The following ARHGEF28 variants were observed in gnomAD, a reference collection of about 807,000 sequenced individuals.
ARHGEF28 encodes 190 kDa guanine nucleotide exchange factor.
A neutral mutation model predicts 206.6 loss-of-function variants in ARHGEF28; 152 were observed. That is an observed-to-expected ratio of 0.74 (90% CI 0.64 to 0.84). ARHGEF28 has a LOEUF of 0.84. Ranked by LOEUF, ARHGEF28 falls within the 40% of genes least tolerant of loss-of-function variation. ARHGEF28 has a pLI of 0.00. For missense variants in ARHGEF28, 2,028 were observed against 2,073.2 expected, an observed-to-expected ratio of 0.98 and a Z score of 0.42; for synonymous variants, 763 against 776.4, an observed-to-expected ratio of 0.98 and a Z score of 0.29.
intron 2 of ARHGEF28, among the ~76,000 whole-genome samples, chr5:73,687,236 G>A (rs1306575780): frequency 6.6e-6 from 1 of 151,990 alleles, no homozygotes; most frequent in Non-Finnish European, 1.5e-5. Flanking sequence ...TAAAATCTAT[G>A]TATAGATTAA....
At chr5:73,813,910 T>TTA (rs1430482545) in intron 9 of ARHGEF28, among the ~76,000 whole-genome samples, 2 of 138,744 alleles carry the variant, frequency 1.4e-5, no homozygotes, top group East Asian at 4.1e-4. Flanking sequence ...CAATTCTCTT[T>TTA]AAAAAAAAAA....
At chr5:73,706,732 C>G (rs1748957154) in intron 2 of ARHGEF28, among the ~76,000 whole-genome samples, 1 of 152,106 alleles carries the variant, frequency 6.6e-6, no homozygotes, top group Non-Finnish European at 1.5e-5. Flanking sequence ...CAGTGTGTGC[C>G]CTGAATAAGA....
chr5:73,898,789 T>A (rs1762104417), intron 30 of ARHGEF28: 1 of 152,228 alleles, frequency 6.6e-6, no homozygotes, highest in African/African-American at 2.4e-5. Flanking sequence ...ATATGTATAG[T>A]TGTAGGCTAC....
intron 1 of ARHGEF28, among the ~76,000 whole-genome samples, chr5:73,646,781 A>T (rs1744453472): frequency 6.6e-6 from 1 of 152,256 alleles, no homozygotes; most frequent in Non-Finnish European, 1.5e-5. Flanking sequence ...ATTTAAACAG[A>T]GGCTTAAATA....
chr5:73,861,515 C>T (rs887363890), intron 16 of ARHGEF28, among the ~76,000 whole-genome samples: 1 of 152,184 alleles, frequency 6.6e-6, no homozygotes, highest in Non-Finnish European at 1.5e-5. Context: ...TTACTGCAAC[C>T]ACCGCCTCCC....
chr5:73,741,628 C>G, intron 2 of ARHGEF28, among the ~76,000 whole-genome samples: 1 of 144,222 alleles, frequency 6.9e-6, no homozygotes, highest in African/African-American at 2.7e-5. Flanking sequence ...ACCATGTTGG[C>G]CAGGCTAGTC....
intron 1 of ARHGEF28, among the ~76,000 whole-genome samples, chr5:73,638,076 C>T (rs923470124): frequency 6.6e-5 from 10 of 152,222 alleles, no homozygotes; most frequent in South Asian, 4.1e-4. Context: ...ATCTTTCAGA[C>T]GTTAGAATGC....
intron 1 of ARHGEF28, among the ~76,000 whole-genome samples, chr5:73,646,488 C>T (rs375023120): frequency 3.8e-4 from 58 of 152,234 alleles, no homozygotes; most frequent in Middle Eastern, 6.8e-3. Flanking sequence ...TTGGTGTTCC[C>T]GCTCTCCATC....
At chr5:73,689,516 A>G (rs1198131665) in intron 2 of ARHGEF28, among the ~76,000 whole-genome samples, 1 of 152,138 alleles carries the variant, frequency 6.6e-6, no homozygotes, top group African/African-American at 2.4e-5. Flanking sequence ...CTTTAGTCTA[A>G]TTTTTAAAAG....
At chr5:73,889,015 C>T (rs895845530) in intron 26 of ARHGEF28, among the ~76,000 whole-genome samples, 21 of 152,156 alleles carry the variant, frequency 1.4e-4, no homozygotes, top group Admixed American at 7.9e-4. Context: ...ATCATTTTAT[C>T]CTTGAAGAGT....
At chr5:73,798,912 AC>A (rs1754981974) in intron 9 of ARHGEF28, among the ~76,000 whole-genome samples, 1 of 151,110 alleles carries the variant, frequency 6.6e-6, no homozygotes, top group Non-Finnish European at 1.5e-5. Context: ...ACATGGTGAA[AC>A]CCTGTTTCTA....
intron 1 of ARHGEF28, among the ~76,000 whole-genome samples, chr5:73,657,520 C>T (rs1179238024): frequency 6.6e-6 from 1 of 152,072 alleles, no homozygotes; most frequent in Non-Finnish European, 1.5e-5. Flanking sequence ...TTCTAAAGGG[C>T]CTGTTGTTTG....
intron 29 of ARHGEF28, among the ~76,000 whole-genome samples, chr5:73,896,198 T>G (rs952795304): frequency 6.6e-6 from 1 of 152,098 alleles, no homozygotes; most frequent in Admixed American, 6.5e-5. Flanking sequence ...CTTTTTGAGA[T>G]GAGGATTGAG....
chr5:73,895,650 G>C (rs182906350), intron 29 of ARHGEF28, among the ~76,000 whole-genome samples: 1 of 152,134 alleles, frequency 6.6e-6, no homozygotes, highest in Non-Finnish European at 1.5e-5. Context: ...TACAGACCAC[G>C]GACTACACAC....
At chr5:73,737,835 C>T (rs1751098816) in intron 2 of ARHGEF28, among the ~76,000 whole-genome samples, 1 of 152,020 alleles carries the variant, frequency 6.6e-6, no homozygotes, top group Non-Finnish European at 1.5e-5. Flanking sequence ...CCTTTTCTTT[C>T]CCCTCTTCTG....
At chr5:73,794,854 G>T (rs531172762) in intron 8 of ARHGEF28, among the ~76,000 whole-genome samples, 10 of 152,244 alleles carry the variant, frequency 6.6e-5, no homozygotes, top group African/African-American at 2.4e-4. Flanking sequence ...TGATCTGCCC[G>T]CCTCGGTCTC....
intron 2 of ARHGEF28, among the ~76,000 whole-genome samples, chr5:73,746,569 A>G (rs980534808): frequency 3.9e-5 from 6 of 152,146 alleles, no homozygotes; most frequent in Admixed American, 2.6e-4. Flanking sequence ...TATTTATTCA[A>G]TAATGAAAAC....
At chr5:73,661,958 C>A (rs1745624627) in intron 1 of ARHGEF28, among the ~76,000 whole-genome samples, 1 of 152,078 alleles carries the variant, frequency 6.6e-6, no homozygotes, top group Non-Finnish European at 1.5e-5. Flanking sequence ...TTGCTCAATG[C>A]AGGATTGCCA....
intron 1 of ARHGEF28, among the ~76,000 whole-genome samples, chr5:73,639,557 C>T (rs1262834153): frequency 6.6e-6 from 1 of 151,828 alleles, no homozygotes. Context: ...AATTGTTAGC[C>T]ATAGTCTCTT....
Sources: gnomAD v4.1 joint callset for allele counts (sites outside exome capture counted in the v4.1 genomes callset) on GRCh38, gnomAD v4.1.1 for gene constraint, MANE v1.5 for transcripts, NCBI Gene and HGNC (gene_info 2026-07-23, HGNC 2026-07-21) for gene names.